Variants in CES5A observed in about 807,000 individuals in gnomAD.
CES5A encodes carboxylesterase 5.
CES5A carries 67 observed loss-of-function variants against 62.9 expected under a neutral mutation model. The ratio of observed to expected loss-of-function variants is 1.07; its 90% CI spans 0.88 to 1.31. CES5A has a LOEUF of 1.31. CES5A is among the 50% of genes most tolerant of loss of function. CES5A has a pLI of 0.00. For synonymous variants in CES5A, 296 were observed against 280.8 expected (o/e 1.05, Z -0.54); for missense variants, 748 against 708.5 (o/e 1.06, Z -0.63).
At chr16:55,850,375 TC>T (rs1372518457) in intron 10 of CES5A, among the ~76,000 whole-genome samples, 1 of 152,190 alleles carries the variant, frequency 6.6e-6, no homozygotes, top group Non-Finnish European at 1.5e-5. Flanking sequence ...TAGCAGACAC[TC>T]CCCATTGGCC....
chr16:55,921,107 T>C (rs950583817), intron 1 of CES5A, among the ~76,000 whole-genome samples: 1 of 152,132 alleles, frequency 6.6e-6, no homozygotes, highest in Non-Finnish European at 1.5e-5. Context: ...ATGAAGATTA[T>C]CTACAAGATG....
At chr16:55,916,582 GC>G (rs1405058497) in intron 1 of CES5A, among the ~76,000 whole-genome samples, 1 of 152,160 alleles carries the variant, frequency 6.6e-6, no homozygotes, top group African/African-American at 2.4e-5. Context: ...AACCACATGA[GC>G]CCCCTGGCTC....
At chr16:55,925,440 G>T (rs892889265) in exon 1 of CES5A, 2 of 152,052 alleles carry the variant, frequency 1.3e-5, no homozygotes, top group Non-Finnish European at 2.9e-5. Context: ...AGCCATTATG[G>T]AGAACAGTTT....
At chr16:55,944,363 A>G (rs2034472807) in intron 2 of CES5A, 1 of 419,548 alleles carries the variant, frequency 2.4e-6, no homozygotes, top group Admixed American at 3.5e-5. Flanking sequence ...CTCTACCACC[A>G]TTGGGGGCTC....
Position 55,898,628 on chromosome 16 carries a change from C to T in CES5A, c.-255-24591G>A, listed in dbSNP as rs141756573. 2.6e-4 allele frequency among the ~76,000 whole-genome samples: 40 copies of T among 152,288 alleles called. No individual in the cohort carries two copies. In the East Asian group the frequency reaches 7.3e-3, roughly 28 times the overall value. On this transcript the variant is annotated intron_variant, in intron 1 of 12. Transcript: ENST00000518005. ...GGAAACTGAGACTCAGGGAGAAATG[C>T]TTTAAAGTCTCATCTCCAATTACGG...
At chr16:55,857,053 A>G (rs1187392020) in intron 8 of CES5A, among the ~76,000 whole-genome samples, 1 of 152,172 alleles carries the variant, frequency 6.6e-6, no homozygotes, top group Non-Finnish European at 1.5e-5. Flanking sequence ...GAAGCCAGAA[A>G]ATTTCCAAAC....
rs117055708 is a variant in CES5A, at chr16:55,871,841, C to T, written c.279-78G>A. The stretch of plus-strand genomic sequence containing the variant: ...TGGGAAGGGCCAGTTCTTCTGACAG[C>T]GGGGAGGCCTGGCCGTCTCCTCTGC... On this transcript the variant is annotated intron_variant, in intron 2 of 12. Coordinates refer to ENST00000290567, the MANE Select transcript of CES5A (RefSeq NM_001143685.2). 4.3e-3 allele frequency: 6,441 copies of T among 1,509,112 alleles called. 156 individuals carry two copies. In the East Asian group the frequency reaches 0.054, roughly 13 times the overall value. The allele number at this position is 1,509,112 out of a possible 1,614,324, so 93.5% of individuals were successfully genotyped here. A position where few individuals can be genotyped will look rare whatever the true frequency, so the allele number is the denominator to read the frequency against.
At chr16:55,923,459 T>C (rs191370837) in intron 1 of CES5A, among the ~76,000 whole-genome samples, 2 of 151,688 alleles carry the variant, frequency 1.3e-5, no homozygotes. Context: ...CCTATCAAGA[T>C]TGAACTATGA....
At chr16:55,854,544 C>CTTGTTTTTTTTTTTTT (rs2033200088) in intron 9 of CES5A, among the ~76,000 whole-genome samples, 1 of 64,416 alleles carries the variant, frequency 1.6e-5, no homozygotes. Context: ...TTTTTTTTTT[C>CTTGTTTTTTTTTTTTT]TTTTTTTTTT....
chr16:55,894,501 A>AAAT, intron 1 of CES5A, among the ~76,000 whole-genome samples: 1 of 149,508 alleles, frequency 6.7e-6, no homozygotes, highest in Admixed American at 6.7e-5. Context: ...TCTGTCTCAA[A>AAAT]AAAAAAAAAA....
At chr16:55,854,557 TGAGACAGA>T (rs1269936677) in intron 9 of CES5A, among the ~76,000 whole-genome samples, 1 of 19,190 alleles carries the variant, frequency 5.2e-5, no homozygotes, top group Non-Finnish European at 1.2e-4. Context: ...TTTTTTTTTT[TGAGACAGA>T]GTCTCTCGCT....
intron 4 of CES5A, among the ~76,000 whole-genome samples, chr16:55,866,893 G>T (rs1238828637): frequency 2.0e-5 from 3 of 151,956 alleles, no homozygotes; most frequent in Non-Finnish European, 4.4e-5. Flanking sequence ...AACAGCAGCT[G>T]CAGCATGTAC....
At chr16:55,922,639 G>A (rs2034217958) in intron 1 of CES5A, among the ~76,000 whole-genome samples, 1 of 151,886 alleles carries the variant, frequency 6.6e-6, no homozygotes, top group Non-Finnish European at 1.5e-5. Flanking sequence ...GACAGATCAT[G>A]CAGACAGAAA....
intron 1 of CES5A, among the ~76,000 whole-genome samples, chr16:55,950,199 C>T (rs1220492296): frequency 2.6e-5 from 4 of 151,944 alleles, no homozygotes; most frequent in African/African-American, 9.7e-5. Flanking sequence ...CAGGAGCACC[C>T]AAGGATGATT....
chr16:55,934,005 G>A (rs1257089269), intron 2 of CES5A, among the ~76,000 whole-genome samples: 1 of 151,890 alleles, frequency 6.6e-6, no homozygotes, highest in Non-Finnish European at 1.5e-5. Context: ...TCTTGTCTCA[G>A]GGCCCTTGCA....
intron 10 of CES5A, 52 bp from the exon 11 acceptor site, chr16:55,849,825 C>T (rs1336058919): frequency 2.8e-5 from 44 of 1,587,908 alleles, no homozygotes; most frequent in Non-Finnish European, 3.8e-5. Flanking sequence ...GAGCAGGGGG[C>T]TGGCTCTGTG....
intron 3 of CES5A, 114 bp downstream of exon 3, chr16:55,871,511 T>C: frequency 1.7e-6 from 2 of 1,190,368 alleles, no homozygotes; most frequent in Non-Finnish European, 1.2e-6. Context: ...GTGATTACAT[T>C]TCCCTTTTAC....
At chr16:55,886,298 A>G (rs1246098787) in intron 1 of CES5A, among the ~76,000 whole-genome samples, 2 of 152,246 alleles carry the variant, frequency 1.3e-5, no homozygotes, top group Non-Finnish European at 2.9e-5. Context: ...GGCTTGGCCA[A>G]TTACTCAGGG....
chr16:55,867,336 C>G (rs2033485295), intron 4 of CES5A, among the ~76,000 whole-genome samples: 1 of 152,206 alleles, frequency 6.6e-6, no homozygotes, highest in Non-Finnish European at 1.5e-5. Flanking sequence ...GCTGCTGCCC[C>G]TGCACAATTG....
Sources: gnomAD v4.1 joint callset for allele counts (sites outside exome capture counted in the v4.1 genomes callset) on GRCh38, gnomAD v4.1.1 for gene constraint, MANE v1.5 for transcripts, NCBI Gene and HGNC (gene_info 2026-07-23, HGNC 2026-07-21) for gene names.